Variants in RORA observed in about 807,000 individuals in gnomAD.
The protein encoded by RORA is RAR related orphan receptor A.
A neutral mutation model predicts 69.5 loss-of-function variants in RORA; 7 were observed. The observed-to-expected ratio is 0.10, with a 90% CI of 0.06 to 0.19. The LOEUF is 0.19. Among genes scored for constraint, RORA ranks in the 10% least tolerant of loss-of-function variants. The pLI, the probability that RORA is intolerant of heterozygous loss-of-function variation, is 1.00. For missense variants in RORA, 457 were observed against 663.0 expected (o/e 0.69, Z 3.41); for synonymous variants, 261 against 240.8 (o/e 1.08, Z -0.78).
rs554533601 is a variant in RORA, at chr15:60,739,690, C to A, written c.167-61004G>T. The stretch of plus-strand genomic sequence containing the variant: ...CTCAATGCCCCACTTCATACAAGTG[C>A]CCTGCCTCGGGGACCTCCCAGTCTC... On this transcript the variant is annotated intron_variant, in intron 1 of 10. Coordinates refer to ENST00000335670, the MANE Select transcript of RORA (RefSeq NM_134261.3). Among the ~76,000 whole-genome samples the A allele has an allele frequency of 1.1e-4, 17 of 152,286 alleles. No homozygotes were observed. The South Asian group carries it at 3.3e-3, about 30-fold the overall frequency.
intron 1 of RORA, among the ~76,000 whole-genome samples, chr15:60,957,606 TA>T (rs1566924856): frequency 2.0e-5 from 3 of 152,226 alleles, no homozygotes; most frequent in Non-Finnish European, 2.9e-5. Flanking sequence ...CTGAGGGGGC[TA>T]TAGTTCAGTG....
chr15:60,906,174 C>T (rs1253178909), intron 1 of RORA, among the ~76,000 whole-genome samples: 2 of 152,184 alleles, frequency 1.3e-5, no homozygotes, highest in South Asian at 2.1e-4. Context: ...ACAGATTAGG[C>T]AGCCCTGGCG....
chr15:61,170,978 C>A (rs2079579992), intron 1 of RORA, among the ~76,000 whole-genome samples: 1 of 152,208 alleles, frequency 6.6e-6, no homozygotes, highest in African/African-American at 2.4e-5. Context: ...TACCGCCTTA[C>A]TTTACAGGTG....
intron 1 of RORA, among the ~76,000 whole-genome samples, chr15:61,082,125 C>T (rs1302612258): frequency 2.0e-5 from 3 of 152,118 alleles, no homozygotes. Flanking sequence ...TCTACAGTTG[C>T]CCCTTAAATG....
intron 1 of RORA, among the ~76,000 whole-genome samples, chr15:61,178,257 A>T (rs2079649843): frequency 6.6e-6 from 1 of 152,210 alleles, no homozygotes; most frequent in African/African-American, 2.4e-5. Flanking sequence ...AAAGTGATAC[A>T]AAATATTCAA....
At chr15:60,840,675 C>T (rs949934413) in intron 1 of RORA, among the ~76,000 whole-genome samples, 3 of 152,364 alleles carry the variant, frequency 2.0e-5, no homozygotes, top group East Asian at 1.9e-4. Flanking sequence ...AGGAGAAGAG[C>T]GAATGAGCTC....
At chr15:61,166,573 T>C (rs2079541209) in intron 1 of RORA, among the ~76,000 whole-genome samples, 1 of 152,162 alleles carries the variant, frequency 6.6e-6, no homozygotes, top group Admixed American at 6.5e-5. Context: ...CAGTGCTTTT[T>C]GTTTGAATCT....
chr15:60,820,514 G>A (rs1197676409), intron 1 of RORA, among the ~76,000 whole-genome samples: 2 of 152,084 alleles, frequency 1.3e-5, no homozygotes, highest in East Asian at 1.9e-4. Context: ...CCTGCATTGC[G>A]TGAAGAAGGT....
chr15:61,106,255 A>G (rs1477115571), intron 1 of RORA, among the ~76,000 whole-genome samples: 1 of 152,186 alleles, frequency 6.6e-6, no homozygotes, highest in Non-Finnish European at 1.5e-5. Context: ...AATATTACAC[A>G]TGGGCCTTTC....
chr15:60,639,190 T>A (rs2069893817), intron 2 of RORA, among the ~76,000 whole-genome samples: 2 of 151,356 alleles, frequency 1.3e-5, no homozygotes, highest in Non-Finnish European at 2.9e-5. Flanking sequence ...AGTTTATCTT[T>A]GTTCTTTAAA....
chr15:61,019,864 T>A (rs1287666661), intron 1 of RORA, among the ~76,000 whole-genome samples: 2 of 152,190 alleles, frequency 1.3e-5, no homozygotes, highest in African/African-American at 2.4e-5. Context: ...ACCTCCAAAG[T>A]ACAGCATGCT....
intron 1 of RORA, among the ~76,000 whole-genome samples, chr15:60,911,096 T>G (rs1891700931): frequency 1.0e-5 from 1 of 100,100 alleles, no homozygotes; most frequent in African/African-American, 3.4e-5. Context: ...TTTTTTTTTT[T>G]TTTTTTTTTT....
intron 1 of RORA, among the ~76,000 whole-genome samples, chr15:60,798,784 C>T (rs1431122472): frequency 6.6e-6 from 1 of 152,096 alleles, no homozygotes; most frequent in Non-Finnish European, 1.5e-5. Flanking sequence ...AGTTACTTCC[C>T]CTCTCTGACC....
At chr15:60,739,296 G>T (rs2071542703) in intron 1 of RORA, among the ~76,000 whole-genome samples, 1 of 152,170 alleles carries the variant, frequency 6.6e-6, no homozygotes, top group Non-Finnish European at 1.5e-5. Flanking sequence ...TTTGGGGCTG[G>T]GCGCAGTGGC....
intron 1 of RORA, among the ~76,000 whole-genome samples, chr15:61,212,867 C>G (rs1372538139): frequency 1.3e-5 from 2 of 152,144 alleles, no homozygotes; most frequent in Non-Finnish European, 2.9e-5. Flanking sequence ...TGAACATCAC[C>G]TCATAGATGT....
At chr15:60,880,001 C>T (rs1016192189) in intron 1 of RORA, among the ~76,000 whole-genome samples, 1 of 152,162 alleles carries the variant, frequency 6.6e-6, no homozygotes, top group Non-Finnish European at 1.5e-5. Flanking sequence ...CTCCTGTAAG[C>T]ATGCTTTGAA....
At chr15:60,526,716 T>A (rs2066369207) in intron 3 of RORA, among the ~76,000 whole-genome samples, 1 of 152,154 alleles carries the variant, frequency 6.6e-6, no homozygotes, top group Non-Finnish European at 1.5e-5. Flanking sequence ...GGCCACGTAT[T>A]AAAATAAAAA....
In RORA at chr15:60,856,058, A is replaced by G. The variant is rs544062607; in HGVS notation, c.167-177372T>C. On this transcript the variant is annotated intron_variant, in intron 1 of 10. Coordinates refer to ENST00000335670, the MANE Select transcript of RORA (RefSeq NM_134261.3). ...GGAATCTAAACTTTCAGCAACCTCA[A>G]GGGATCCTTAAACCCACTCATGTTA... is the stretch of plus-strand genomic sequence containing the variant. Among the ~76,000 whole-genome samples, 169 of 152,298 alleles carry G rather than the reference A, an allele frequency of 1.1e-3. 2 individuals carry two copies. In the South Asian group the frequency reaches 0.016, roughly 14 times the overall value.
At chr15:60,670,453 G>A (rs973677098) in intron 2 of RORA, among the ~76,000 whole-genome samples, 2 of 151,888 alleles carry the variant, frequency 1.3e-5, no homozygotes, top group Non-Finnish European at 1.5e-5. Context: ...TCAGTGATCC[G>A]CCCGTCTCGG....
Sources: gnomAD v4.1 joint callset for allele counts (sites outside exome capture counted in the v4.1 genomes callset) on GRCh38, gnomAD v4.1.1 for gene constraint, MANE v1.5 for transcripts, NCBI Gene and HGNC (gene_info 2026-07-23, HGNC 2026-07-21) for gene names.